The following SNX9 variants were observed in gnomAD, a reference collection of about 807,000 sequenced individuals.
SNX9 encodes the protein sorting nexin 9.
A neutral mutation model predicts 89.4 loss-of-function variants in SNX9; 44 were observed. The observed-to-expected ratio is 0.49, with a 90% CI of 0.39 to 0.63. SNX9 has a LOEUF of 0.63. SNX9 is among the 30% of genes least tolerant of loss of function. SNX9 has a pLI of 0.00. For missense variants in SNX9, 578 were observed against 736.1 expected (o/e 0.79, Z 2.49); for synonymous variants, 236 against 247.8 (o/e 0.95, Z 0.45).
At chr6:157,890,991 CAT>C (rs1782845489) in intron 4 of SNX9, among the ~76,000 whole-genome samples, 1 of 150,240 alleles carries the variant, frequency 6.7e-6, no homozygotes, top group Non-Finnish European at 1.5e-5. Flanking sequence ...TAAGGGTACT[CAT>C]AGTGTCACAT....
intron 4 of SNX9, among the ~76,000 whole-genome samples, chr6:157,877,714 G>T (rs1782547757): frequency 6.6e-6 from 1 of 152,100 alleles, no homozygotes; most frequent in Non-Finnish European, 1.5e-5. Flanking sequence ...CCTCAGAGAA[G>T]CTGGGCCTCT....
chr6:157,921,847 G>A (rs1052403211), intron 10 of SNX9, among the ~76,000 whole-genome samples, 186 bp downstream of exon 10: 1 of 152,208 alleles, frequency 6.6e-6, no homozygotes, highest in African/African-American at 2.4e-5. Flanking sequence ...AGAACTGCCT[G>A]CCAGAAGGGC....
At chr6:157,870,608 ACT>A (rs149156684) in intron 2 of SNX9, among the ~76,000 whole-genome samples, 2 of 140,828 alleles carry the variant, frequency 1.4e-5, no homozygotes, top group African/African-American at 5.4e-5. Flanking sequence ...CCCCTCAGAC[ACT>A]CTCACCTGCC....
chr6:157,846,563 T>C (rs1366880389), intron 1 of SNX9, among the ~76,000 whole-genome samples: 1 of 152,256 alleles, frequency 6.6e-6, no homozygotes, highest in Non-Finnish European at 1.5e-5. Context: ...TGTTTCACTT[T>C]AGTAATGTTC....
At chr6:157,888,384 G>C (rs1296694606) in intron 4 of SNX9, among the ~76,000 whole-genome samples, 1 of 152,152 alleles carries the variant, frequency 6.6e-6, no homozygotes, top group Non-Finnish European at 1.5e-5. Flanking sequence ...ACAGACTTTA[G>C]AAAATATAAT....
intron 15 of SNX9, among the ~76,000 whole-genome samples, chr6:157,937,789 A>C (rs1014041733): frequency 6.6e-6 from 1 of 152,210 alleles, no homozygotes; most frequent in South Asian, 2.1e-4. Flanking sequence ...ATAGTAGTCT[A>C]TCGTATATTA....
Position 157,895,842 on chromosome 6 carries a change from A to G in SNX9, c.301-985A>G, listed in dbSNP as rs557452870. ...ACCAGAATGGAGTTCCTTGTGCTAG[A>G]TGCTCCATAGTCAAACTGAAACTTG... On this transcript the variant is annotated intron_variant, in intron 4 of 17. Transcript: ENST00000392185. Among the ~76,000 whole-genome samples, 8 of 152,298 alleles carry G rather than the reference A, an allele frequency of 5.3e-5. No homozygotes were observed. The South Asian group carries it at 1.7e-3, about 32-fold the overall frequency.
intron 4 of SNX9, 55 bp downstream of exon 4, chr6:157,875,231 A>T: frequency 6.4e-7 from 1 of 1,568,594 alleles, no homozygotes; most frequent in Non-Finnish European, 8.7e-7. Flanking sequence ...AACAGAGCGT[A>T]TTTGTGAAGG....
At chr6:157,869,782 A>G (rs1031228312) in intron 2 of SNX9, among the ~76,000 whole-genome samples, 6 of 152,072 alleles carry the variant, frequency 3.9e-5, no homozygotes, top group Non-Finnish European at 7.4e-5. Flanking sequence ...TTCCCTGTGC[A>G]CGTGCACAGG....
intron 1 of SNX9, among the ~76,000 whole-genome samples, chr6:157,843,619 AC>A (rs1781744477): frequency 6.6e-6 from 1 of 152,180 alleles, no homozygotes; most frequent in Non-Finnish European, 1.5e-5. Context: ...TCAAAGGTTA[AC>A]TGTACTGATT....
intron 4 of SNX9, among the ~76,000 whole-genome samples, chr6:157,887,721 T>A (rs759129784): frequency 2.0e-5 from 3 of 152,234 alleles, no homozygotes; most frequent in Non-Finnish European, 2.9e-5. Context: ...TGTTACTCCA[T>A]CTTTGTTGTC....
chr6:157,927,681 G>A (rs1307819016), intron 11 of SNX9, among the ~76,000 whole-genome samples: 2 of 150,210 alleles, frequency 1.3e-5, no homozygotes, highest in African/African-American at 2.5e-5. Context: ...TTTCTCTTAC[G>A]GACTTAAAAG....
At chr6:157,860,399 C>T (rs756046840) in intron 1 of SNX9, among the ~76,000 whole-genome samples, 9 of 152,240 alleles carry the variant, frequency 5.9e-5, no homozygotes, top group South Asian at 2.1e-4. Context: ...GAGCAAGATG[C>T]GGTCTCTCAA....
intron 11 of SNX9, 63 bp from the exon 12 acceptor site, chr6:157,928,536 G>A (rs995081477): frequency 2.3e-5 from 31 of 1,325,898 alleles, no homozygotes; most frequent in East Asian, 5.1e-5. Flanking sequence ...TATTTGGCCC[G>A]AGTATCCCCA....
intron 16 of SNX9, among the ~76,000 whole-genome samples, chr6:157,940,535 G>A (rs766546680): frequency 6.6e-6 from 1 of 151,958 alleles, no homozygotes. Flanking sequence ...CTCCTGCCTC[G>A]GCCTCCCAAG....
At chr6:157,935,869 A>G (rs1356114023) in intron 13 of SNX9, 95 bp from the exon 14 acceptor site, 1 of 870,332 alleles carries the variant, frequency 1.1e-6, no homozygotes, top group African/African-American at 1.8e-5. Flanking sequence ...AAGTTTCTAT[A>G]ATAAAATTTA....
chr6:157,939,235 G>A (rs941689728), intron 16 of SNX9, among the ~76,000 whole-genome samples: 1 of 152,144 alleles, frequency 6.6e-6, no homozygotes, highest in South Asian at 2.1e-4. Context: ...TGGGTGGATG[G>A]CACTTGGATG....
chr6:157,858,607 T>C (rs929657006), intron 1 of SNX9, among the ~76,000 whole-genome samples: 1 of 152,192 alleles, frequency 6.6e-6, no homozygotes, highest in Non-Finnish European at 1.5e-5. Flanking sequence ...ACTGTGGCCA[T>C]TGTTACAATC....
At chr6:157,909,881 A>G in intron 8 of SNX9, 27 bp from the exon 9 acceptor site, 1 of 1,612,256 alleles carries the variant, frequency 6.2e-7, no homozygotes, top group Non-Finnish European at 8.5e-7. Context: ...GGCATTGGTA[A>G]CCTTTTCTCT....
Sources: gnomAD v4.1 joint callset for allele counts (sites outside exome capture counted in the v4.1 genomes callset) on GRCh38, gnomAD v4.1.1 for gene constraint, MANE v1.5 for transcripts, NCBI Gene and HGNC (gene_info 2026-07-23, HGNC 2026-07-21) for gene names.